ACACB: variants seen among roughly 807,000 people sequenced by gnomAD.
ACACB encodes the protein acetyl-CoA carboxylase 2.
A neutral mutation model predicts 278.8 loss-of-function variants in ACACB; 209 were observed. That is an observed-to-expected ratio of 0.75 (90% CI 0.67 to 0.84). The LOEUF is 0.84. ACACB is among the 40% of genes least tolerant of loss of function. ACACB has a pLI of 0.00. For missense variants in ACACB, 2,850 were observed against 3,269.0 expected (o/e 0.87, Z 3.13); for synonymous variants, 1,174 against 1,285.6 (o/e 0.91, Z 1.86).
At chr12:109,259,970 AC>A (rs1410753853) in intron 47 of ACACB, 3 of 928,884 alleles carry the variant, frequency 3.2e-6, no homozygotes. Context: ...AACAGGACCA[AC>A]CTCAGAGGGC....
rs140144925 is a variant in ACACB, at chr12:109,164,435, T to C, written c.654-2426T>C. Among the ~76,000 whole-genome samples, 1,387 of 152,220 alleles carry C rather than the reference T, an allele frequency of 9.1e-3. 32 individuals are homozygous for C. Among genetic ancestry groups the C allele is most frequent in the African/African-American group, 0.031 (1,298 of 41,508 alleles). ...TTTAGTAGAGATGGGGTTCACCATATTGGCCGGGCTGGTCTCAAACTCCTG... is the reference window on the plus strand; with the variant it reads ...TTTAGTAGAGATGGGGTTCACCATACTGGCCGGGCTGGTCTCAAACTCCTG... On this transcript the variant is annotated intron_variant, in intron 2 of 52. Transcript: ENST00000338432.
intron 34 of ACACB, 38 bp from the exon 35 acceptor site, chr12:109,239,792 C>A: frequency 6.4e-7 from 1 of 1,574,572 alleles, no homozygotes; most frequent in Admixed American, 1.8e-5. Context: ...AGGCCTGCAC[C>A]CCTGGCCTGA....
intron 19 of ACACB, among the ~76,000 whole-genome samples, chr12:109,205,885 T>C (rs772491492): frequency 7.2e-5 from 11 of 152,152 alleles, no homozygotes; most frequent in Non-Finnish European, 1.3e-4. Flanking sequence ...CTGTGCGTCA[T>C]GCACAGTAGG....
In ACACB at chr12:109,209,956, T is replaced by C. The variant is rs1242991902; in HGVS notation, c.3249+603T>C. Among the ~76,000 whole-genome samples, 2 of 92,490 alleles carry C rather than the reference T, an allele frequency of 2.2e-5. 1 individual carries two copies. Among genetic ancestry groups the C allele is most frequent in the Non-Finnish European group, 4.6e-5 (2 of 43,396 alleles). The allele number at this position is 92,490 out of a possible 152,430, so 60.7% of individuals were successfully genotyped here. ...ACACACATACACACACGTGTGTGTA[T>C]ATATGTGTATACACACATACACACA... On this transcript the variant is annotated intron_variant, in intron 21 of 52. Transcript: ENST00000338432.
intron 7 of ACACB, among the ~76,000 whole-genome samples, chr12:109,174,570 A>C (rs1330229363): frequency 6.7e-6 from 1 of 150,284 alleles, no homozygotes; most frequent in Non-Finnish European, 1.5e-5. Flanking sequence ...AAAAAGACAG[A>C]TCTTGGCCAG....
chr12:109,204,581 C>G lies in ACACB; in HGVS notation c.2914-2129C>G, dbSNP rs528110666. ...TGAGCCACCATGTCCAGCCTCAATA[C>G]TAGATCTTATTCATTCTATCTAACT... On this transcript the variant is annotated intron_variant, in intron 19 of 52. Coordinates refer to ENST00000338432, the MANE Select transcript of ACACB (RefSeq NM_001093.4). Among the ~76,000 whole-genome samples the G allele has an allele frequency of 5.3e-5, 8 of 151,970 alleles. No individual in the cohort carries two copies. The South Asian group carries it at 1.7e-3, about 32-fold the overall frequency.
Position 109,139,676 on chromosome 12 carries a change from T to G in ACACB, c.271T>G (p.Ser91Ala). 1 of 1,613,690 alleles carries G rather than the reference T, an allele frequency of 6.2e-7. No individual in the cohort carries two copies. Among genetic ancestry groups the G allele is most frequent in the Non-Finnish European group, 8.5e-7 (1 of 1,179,918 alleles). The change falls in exon 2 of 53, where the codon TCC becomes GCC. Residue 91 changes from serine to alanine, a missense_variant. This residue lies in a region of ACACB where 2,265 missense variants were observed against 2,561.3 expected (regional missense o/e 0.88). Coordinates refer to ENST00000338432, the MANE Select transcript of ACACB (RefSeq NM_001093.4). ...GPKDAGRRRN[S>A]LPPSHQKPPR... ...CAAAGATGCCGGTCGGCGGAGAAAC[T>G]CCCTACCACCCTCCCACCAGAAGCC...
intron 2 of ACACB, among the ~76,000 whole-genome samples, chr12:109,161,864 G>A (rs891312861): frequency 6.6e-6 from 1 of 151,922 alleles, no homozygotes; most frequent in Non-Finnish European, 1.5e-5. Flanking sequence ...TTAAAATATA[G>A]CAAAGAGATA....
chr12:109,256,760 C>T (rs545062775), intron 45 of ACACB, among the ~76,000 whole-genome samples: 2 of 152,310 alleles, frequency 1.3e-5, no homozygotes, highest in South Asian at 2.1e-4. Flanking sequence ...GGTACGATGT[C>T]GCAGCTATAA....
chr12:109,187,425 C>T (rs1257902545), intron 12 of ACACB, among the ~76,000 whole-genome samples: 7 of 150,204 alleles, frequency 4.7e-5, no homozygotes, highest in Admixed American at 1.3e-4. Context: ...TGTCCCAACT[C>T]GCTTATTTTA....
rs771044060 is a variant in ACACB, at chr12:109,180,056, C to G, written c.1787C>G (p.Ala596Gly). ...GAACATCCCTGCACAGAAATGATTGCTGATGTTAATCTGCCGGCCGCCCAG... is the reference window on the plus strand; with the variant it reads ...GAACATCCCTGCACAGAAATGATTGGTGATGTTAATCTGCCGGCCGCCCAG... ...QVEHPCTEMI[A>G]DVNLPAAQLQ... The change falls in exon 11 of 53, where the codon GCT becomes GGT. Residue 596 changes from alanine to glycine, a missense_variant. Ala to Gly is a moderately conservative substitution (Grantham distance 60). Around this residue, in one of 3 missense-constraint regions of ACACB, gnomAD observed 2,265 missense variants for 2,561.3 expected, o/e 0.88. Coordinates refer to ENST00000338432, the MANE Select transcript of ACACB (RefSeq NM_001093.4). The G allele has an allele frequency of 5.6e-6, 9 of 1,612,590 alleles. No homozygotes were observed. The highest frequency in any genetic ancestry group is 4.2e-6 in the Non-Finnish European group (5 of 1,179,822).
chr12:109,173,791 C>T (rs1234333108), intron 6 of ACACB, among the ~76,000 whole-genome samples: 1 of 152,212 alleles, frequency 6.6e-6, no homozygotes, highest in East Asian at 1.9e-4. Context: ...AAAGAGTTTG[C>T]TAACCTATGG....
intron 21 of ACACB, among the ~76,000 whole-genome samples, chr12:109,210,227 GTATATGTA>G (rs59641283): frequency 0.35 from 3,518 of 10,000 alleles, 640 homozygotes; most frequent in East Asian, 0.46. Flanking sequence ...ACACATGTGT[GTATATGTA>G]TATATGTATA....
Position 109,216,936 on chromosome 12 carries a change from G to A in ACACB, c.3564+16G>A. 6.2e-7 allele frequency: 1 copy of A among 1,611,636 alleles called. No individual in the cohort carries two copies. The highest frequency in any genetic ancestry group is 8.5e-7 in the Non-Finnish European group (1 of 1,179,354). ...CATGTTGATCGTAAGCAGGAAGAGGGCCTGTTACTAGACTGGGGGTGGGTC... is the reference window on the plus strand; with the variant it reads ...CATGTTGATCGTAAGCAGGAAGAGGACCTGTTACTAGACTGGGGGTGGGTC... On this transcript the variant is annotated intron_variant, in intron 24 of 52. Transcript: ENST00000338432.
Position 109,166,775 on chromosome 12 carries a change from T to C in ACACB, c.654-86T>C, listed in dbSNP as rs529220213. 52 of 1,535,374 alleles carry C rather than the reference T, an allele frequency of 3.4e-5. No individual in the cohort carries two copies. The East Asian group carries it at 1.2e-3, about 36-fold the overall frequency. ...GGGGGCTCTGGTGCAGTTTGGCTCC[T>C]CTGCTCCACTGGCTTTACAGGTGCC... is the stretch of plus-strand genomic sequence containing the variant. On this transcript the variant is annotated intron_variant, in intron 2 of 52. Transcript: ENST00000338432.
At chr12:109,234,758 C>T (rs1364781429) in intron 31 of ACACB, among the ~76,000 whole-genome samples, 1 of 151,024 alleles carries the variant, frequency 6.6e-6, no homozygotes, top group Admixed American at 6.6e-5. Context: ...ATTGAGAACA[C>T]ATGGGCAGAG....
At chr12:109,215,779 T>C (rs555500811) in intron 22 of ACACB, among the ~76,000 whole-genome samples, 8 of 152,012 alleles carry the variant, frequency 5.3e-5, no homozygotes. Context: ...AAAAAAAATG[T>C]ATTTTTAAAT....
chr12:109,133,855 ATATATATATTTTTTTT>A, intron 1 of ACACB, among the ~76,000 whole-genome samples: 1 of 49,746 alleles, frequency 2.0e-5, no homozygotes, highest in African/African-American at 9.4e-5. Context: ...ATATATATAT[ATATATATATTTTTTTT>A]TTTTTTTTTT....
At chr12:109,204,908 A>T (rs1332491710) in intron 19 of ACACB, among the ~76,000 whole-genome samples, 1 of 151,892 alleles carries the variant, frequency 6.6e-6, no homozygotes, top group Non-Finnish European at 1.5e-5. Flanking sequence ...GTGCAGTGGC[A>T]CAATCTCAGC....
Sources: allele counts gnomAD v4.1 joint callset (sites outside exome capture counted in the v4.1 genomes callset), GRCh38; gene constraint gnomAD v4.1.1; regional missense constraint gnomAD v4.1.1; transcripts MANE v1.5; gene names NCBI Gene and HGNC (gene_info 2026-07-23, HGNC 2026-07-21).